Variants in UNC13C observed in about 807,000 individuals in gnomAD.
The protein encoded by UNC13C is unc-13 homolog C.
A neutral mutation model predicts 245.4 loss-of-function variants in UNC13C; 174 were observed. The ratio of observed to expected loss-of-function variants is 0.71; its 90% CI spans 0.63 to 0.80. The LOEUF (loss-of-function observed/expected upper bound fraction) is 0.80, where lower values mean the gene tolerates loss of function less well. Ranked by LOEUF, UNC13C falls within the 30% of genes least tolerant of loss-of-function variation. The pLI is 0.00. For synonymous variants in UNC13C, 992 were observed against 895.1 expected (o/e 1.11, Z -1.93); for missense variants, 2,829 against 2,602.9 (o/e 1.09, Z -1.89).
chr15:53,904,790 T>C, the UNC13C span, among the ~76,000 whole-genome samples: 1 of 152,328 alleles, frequency 6.6e-6, no homozygotes, highest in Admixed American at 6.5e-5. Flanking sequence ...ACCCTGGCTC[T>C]ACCATTAATT....
At chr15:54,541,116 T>C (rs976599133) in intron 26 of UNC13C, among the ~76,000 whole-genome samples, 3 of 152,032 alleles carry the variant, frequency 2.0e-5, no homozygotes, top group African/African-American at 7.2e-5. Flanking sequence ...TCCCCAACCT[T>C]CCTCTTTATC....
intron 8 of UNC13C, among the ~76,000 whole-genome samples, chr15:54,257,139 G>A (rs1483685262): frequency 6.6e-6 from 1 of 152,098 alleles, no homozygotes; most frequent in Non-Finnish European, 1.5e-5. Flanking sequence ...CTTTTGCTTT[G>A]TATTTTTTTG....
At chr15:54,623,658 A>T (rs1488266183) in intron 31 of UNC13C, 137 bp from the exon 32 acceptor site, 6 of 726,394 alleles carry the variant, frequency 8.3e-6, no homozygotes, top group Non-Finnish European at 1.3e-5. Context: ...ATTGTATTTT[A>T]TTGTCTTGGA....
At chr15:54,250,194 G>T (rs149000556) in intron 7 of UNC13C, 31 bp from the exon 8 acceptor site, 2 of 1,579,084 alleles carry the variant, frequency 1.3e-6, no homozygotes, top group East Asian at 4.5e-5. Context: ...CTGACTTGGC[G>T]GTGCATTGGT....
intron 2 of UNC13C, among the ~76,000 whole-genome samples, chr15:54,094,760 C>T (rs1265936489): frequency 6.6e-6 from 1 of 152,154 alleles, no homozygotes; most frequent in Non-Finnish European, 1.5e-5. Context: ...TTCTCTCTCT[C>T]CCCCAGTTAA....
chr15:54,160,197 C>T (rs754370818), intron 4 of UNC13C, among the ~76,000 whole-genome samples: 5 of 151,034 alleles, frequency 3.3e-5, no homozygotes, highest in Admixed American at 6.6e-5. Flanking sequence ...AAATATGAAA[C>T]GGATAGTTAA....
intron 16 of UNC13C, among the ~76,000 whole-genome samples, chr15:54,338,069 G>A (rs1221236327): frequency 6.6e-6 from 1 of 152,088 alleles, no homozygotes; most frequent in African/African-American, 2.4e-5. Context: ...CTGGCATATA[G>A]GAAGTGATGA....
At chr15:53,924,066 G>C in the UNC13C span, among the ~76,000 whole-genome samples, 1 of 152,136 alleles carries the variant, frequency 6.6e-6, no homozygotes, top group Non-Finnish European at 1.5e-5. Flanking sequence ...AATTAGCCGG[G>C]TGTAGTGGTG....
chr15:54,473,705 A>G (rs942931008), intron 19 of UNC13C, among the ~76,000 whole-genome samples: 5 of 151,836 alleles, frequency 3.3e-5, no homozygotes, highest in Non-Finnish European at 7.4e-5. Flanking sequence ...TTGTGTATAT[A>G]TACCACCTCT....
chr15:53,870,525 G>A, the UNC13C span, among the ~76,000 whole-genome samples: 1 of 151,444 alleles, frequency 6.6e-6, no homozygotes. Context: ...AGAGTCCATG[G>A]CCATTCAGCT....
chr15:54,618,238 C>A (rs1900568211), intron 30 of UNC13C, among the ~76,000 whole-genome samples: 1 of 152,092 alleles, frequency 6.6e-6, no homozygotes, highest in South Asian at 2.1e-4. Context: ...ATAAAGCAGA[C>A]AATGAGCTCT....
At position 54,525,623 on chromosome 15, in the gene UNC13C, C is replaced by T; in HGVS notation, c.5532C>T (p.Val1844=). ...KLSGVLDELS[V]TYGESFQVII... ...GTGGGGTCCTGGATGAGCTCAGCGT[C>T]ACTTATGGTGAAAGGTAAGTGGCCT... The change falls in exon 25 of 33, where the codon GTC becomes GTT. Residue 1844 remains valine, a synonymous_variant. Coordinates refer to ENST00000260323, the MANE Select transcript of UNC13C (RefSeq NM_001080534.3). The T allele has an allele frequency of 4.3e-6, 7 of 1,612,172 alleles. No individual in the cohort carries two copies. The highest frequency in any genetic ancestry group is 5.9e-6 in the Non-Finnish European group (7 of 1,179,134).
At chr15:54,171,629 A>C (rs1312808325) in intron 4 of UNC13C, among the ~76,000 whole-genome samples, 1 of 152,144 alleles carries the variant, frequency 6.6e-6, no homozygotes, top group Non-Finnish European at 1.5e-5. Context: ...ATGTGGAAAA[A>C]AGGGAATCCT....
intron 4 of UNC13C, among the ~76,000 whole-genome samples, chr15:54,187,902 C>T (rs985802541): frequency 1.3e-5 from 2 of 152,066 alleles, no homozygotes; most frequent in East Asian, 3.9e-4. Context: ...CTCCACCTCC[C>T]GGGTGCAAGT....
chr15:54,217,487 C>A (rs1487822934), intron 4 of UNC13C, among the ~76,000 whole-genome samples: 1 of 151,924 alleles, frequency 6.6e-6, no homozygotes, highest in South Asian at 2.1e-4. Flanking sequence ...TAGGTACCTA[C>A]AAGTTCATGT....
At chr15:54,074,978 C>G (rs1235379615) in intron 2 of UNC13C, among the ~76,000 whole-genome samples, 2 of 152,120 alleles carry the variant, frequency 1.3e-5, no homozygotes, top group African/African-American at 4.8e-5. Flanking sequence ...CCTTAAAGCA[C>G]TTTCTTAACT....
chr15:54,071,705 T>A (rs575411583), intron 2 of UNC13C, among the ~76,000 whole-genome samples: 20 of 152,176 alleles, frequency 1.3e-4, no homozygotes, highest in Non-Finnish European at 2.8e-4. Context: ...GAAAATTGCA[T>A]ACAATTTAAA....
intron 17 of UNC13C, among the ~76,000 whole-genome samples, chr15:54,345,183 G>C (rs1473876579): frequency 1.3e-5 from 2 of 152,188 alleles, no homozygotes. Flanking sequence ...CTTTACCCCT[G>C]CTTTTTATGA....
At chr15:54,456,169 G>A (rs1304528478) in intron 19 of UNC13C, among the ~76,000 whole-genome samples, 1 of 152,116 alleles carries the variant, frequency 6.6e-6, no homozygotes, top group African/African-American at 2.4e-5. Flanking sequence ...TGAGGATTTG[G>A]CCTCACTTCT....
Sources: allele counts gnomAD v4.1 joint callset (sites outside exome capture counted in the v4.1 genomes callset), GRCh38; gene constraint gnomAD v4.1.1; transcripts MANE v1.5; gene names NCBI Gene and HGNC (gene_info 2026-07-23, HGNC 2026-07-21).